CSMD2: variants seen among roughly 807,000 people sequenced by gnomAD.
CSMD2 encodes CUB and Sushi multiple domains 2.
Under a neutral mutation model 398.5 loss-of-function variants are expected in CSMD2, and 130 were observed. The ratio of observed to expected loss-of-function variants is 0.33; its 90% confidence interval spans 0.28 to 0.38. CSMD2 has a LOEUF of 0.38. Ranked by LOEUF, CSMD2 falls within the 10% of genes least tolerant of loss-of-function variation. The probability of loss-of-function intolerance (pLI) is 1.00; values close to 1 mark genes in which losing one functional copy is unlikely to be tolerated. For synonymous variants in CSMD2, 1,828 were observed against 1,908.5 expected, an observed-to-expected ratio of 0.96 and a Z score of 1.10; for missense variants, 3,829 against 4,764.9, an observed-to-expected ratio of 0.80 and a Z score of 5.78.
intron 3 of CSMD2, among the ~76,000 whole-genome samples, chr1:34,004,417 G>T (rs905945324): frequency 6.6e-6 from 1 of 152,156 alleles, no homozygotes; most frequent in Non-Finnish European, 1.5e-5. Context: ...TAGCCAGCTT[G>T]CTAGAGCATT....
chr1:33,588,093 C>T (rs144950570), intron 44 of CSMD2, among the ~76,000 whole-genome samples: 8 of 152,282 alleles, frequency 5.3e-5, no homozygotes, highest in Admixed American at 2.6e-4. Flanking sequence ...AATTACAGTA[C>T]GTTCCTGGAG....
At chr1:33,776,028 G>T (rs1258985466) in intron 12 of CSMD2, among the ~76,000 whole-genome samples, 1 of 152,186 alleles carries the variant, frequency 6.6e-6, no homozygotes, top group East Asian at 1.9e-4. Flanking sequence ...TACTGATGGG[G>T]CCAATACCAA....
At chr1:33,742,159 T>C (rs1647089949) in intron 14 of CSMD2, among the ~76,000 whole-genome samples, 1 of 152,210 alleles carries the variant, frequency 6.6e-6, no homozygotes, top group Non-Finnish European at 1.5e-5. Context: ...GGAGGAGACA[T>C]GCCCTGAGAA....
intron 25 of CSMD2, among the ~76,000 whole-genome samples, chr1:33,678,917 G>A (rs370957612): frequency 3.9e-5 from 6 of 152,202 alleles, no homozygotes; most frequent in African/African-American, 9.6e-5. Flanking sequence ...CACTGAAAAC[G>A]TTGCAGAATG....
chr1:34,068,766 T>C (rs1209672200), intron 2 of CSMD2, among the ~76,000 whole-genome samples: 1 of 152,154 alleles, frequency 6.6e-6, no homozygotes, highest in Non-Finnish European at 1.5e-5. Context: ...AATTGAATCA[T>C]GGGGGCAGGT....
Position 33,524,998 on chromosome 1 carries a change from T to C in CSMD2, c.10280A>G (p.Tyr3427Cys), listed in dbSNP as rs776401540. ...TGGCTGCTTCTTCCCCTGGTATTCA[T>C]AGGCCCCTTTCCACAGGGAATTCTT... The part of the protein sequence containing the change: ...FAKNSLWKGA[Y>C]EYQGKKQPAM... The change falls in exon 66 of 71, where the codon TAT becomes TGT. Residue 3427 changes from tyrosine to cysteine, a missense_variant. Around this residue, in one of 5 missense-constraint regions of CSMD2, gnomAD observed 917 missense variants for 1,199.5 expected, o/e 0.76. Coordinates refer to ENST00000373381, the MANE Select transcript of CSMD2 (RefSeq NM_001281956.2). The C allele has an allele frequency of 2.5e-6, 4 of 1,614,122 alleles. No homozygotes were observed. Among genetic ancestry groups the C allele is most frequent in the South Asian group, 1.1e-5 (1 of 91,090 alleles).
At chr1:33,523,257 C>T in intron 67 of CSMD2, 50 bp downstream of exon 67, 1 of 929,312 alleles carries the variant, frequency 1.1e-6, no homozygotes, top group Admixed American at 1.8e-5. Flanking sequence ...CCTCCTCTTC[C>T]CTGCCAGTGA....
At chr1:33,976,967 G>C (rs1645989017) in intron 3 of CSMD2, among the ~76,000 whole-genome samples, 1 of 151,952 alleles carries the variant, frequency 6.6e-6, no homozygotes, top group Non-Finnish European at 1.5e-5. Flanking sequence ...ATGGGATATG[G>C]GGGAGGGTGT....
intron 1 of CSMD2, among the ~76,000 whole-genome samples, chr1:34,104,163 AC>A (rs1660293941): frequency 6.6e-6 from 1 of 152,164 alleles, no homozygotes; most frequent in African/African-American, 2.4e-5. Context: ...CATTTTATGC[AC>A]TTTTTGCCGC....
intron 3 of CSMD2, among the ~76,000 whole-genome samples, chr1:33,944,101 A>G (rs1276874275): frequency 6.6e-6 from 1 of 152,140 alleles, no homozygotes; most frequent in Admixed American, 6.5e-5. Context: ...GCCACAGGCA[A>G]TATGTGTTCT....
chr1:33,613,710 G>T (rs1033182346), intron 40 of CSMD2, among the ~76,000 whole-genome samples: 3 of 152,148 alleles, frequency 2.0e-5, no homozygotes, highest in Non-Finnish European at 4.4e-5. Flanking sequence ...TAATCCCCTT[G>T]GGACATTTCA....
At chr1:34,156,125 T>G (rs1640785665) in intron 1 of CSMD2, among the ~76,000 whole-genome samples, 1 of 152,226 alleles carries the variant, frequency 6.6e-6, no homozygotes, top group East Asian at 1.9e-4. Flanking sequence ...TTGAGATGTC[T>G]GTTTTCGTGC....
intron 3 of CSMD2, among the ~76,000 whole-genome samples, chr1:34,003,058 C>A (rs894320463): frequency 6.6e-6 from 1 of 152,104 alleles, no homozygotes; most frequent in Non-Finnish European, 1.5e-5. Context: ...TGCCCTGAAC[C>A]AGTAGAGAAG....
chr1:33,820,922 G>A (rs973178527), intron 7 of CSMD2, among the ~76,000 whole-genome samples: 1 of 152,030 alleles, frequency 6.6e-6, no homozygotes, highest in East Asian at 1.9e-4. Context: ...TCAGATCTGG[G>A]GTGGAGACTC....
intron 68 of CSMD2, among the ~76,000 whole-genome samples, chr1:33,520,776 G>C (rs1385166490): frequency 1.3e-5 from 2 of 152,216 alleles, no homozygotes; most frequent in Non-Finnish European, 2.9e-5. Context: ...CCCCGGCGAT[G>C]GGAGGTGTCA....
At chr1:33,542,162 C>T (rs1656406584) in intron 58 of CSMD2, among the ~76,000 whole-genome samples, 1 of 152,138 alleles carries the variant, frequency 6.6e-6, no homozygotes. Context: ...CATCTGGATC[C>T]CACAGTGACT....
intron 28 of CSMD2, among the ~76,000 whole-genome samples, chr1:33,649,029 T>C (rs1643613238): frequency 1.3e-5 from 2 of 152,196 alleles, no homozygotes; most frequent in African/African-American, 4.8e-5. Flanking sequence ...AGTAATAAAG[T>C]TTATATTTTT....
chr1:33,653,809 G>T (rs1643875385), intron 27 of CSMD2, among the ~76,000 whole-genome samples: 1 of 152,188 alleles, frequency 6.6e-6, no homozygotes, highest in Non-Finnish European at 1.5e-5. Context: ...GGCACCATCA[G>T]AGGTTGTCAA....
rs1251965291 is a variant in CSMD2, at chr1:33,550,267, T to C, written c.8827A>G (p.Ser2943Gly). The change falls in exon 56 of 71, where the codon AGC becomes GGC. Residue 2943 changes from serine (S) to glycine (G), a missense_variant. Ser to Gly is a moderately conservative substitution (Grantham distance 56). Transcript: ENST00000373381. Reference sequence around the variant, plus strand: ...ACCAGAGTACGCTTGCCGATGCAGCTGTACCGCACCACTGCTCCCACAGTA... The same window carrying C: ...ACCAGAGTACGCTTGCCGATGCAGCCGTACCGCACCACTGCTCCCACAGTA... The part of the protein sequence containing the change: ...SYTVGAVVRY[S>G]CIGKRTLVGN... 1 of 1,614,254 alleles carries C rather than the reference T, an allele frequency of 6.2e-7. No homozygotes were observed. The highest frequency in any genetic ancestry group is 8.5e-7 in the Non-Finnish European group (1 of 1,180,046).
Sources: allele counts gnomAD v4.1 joint callset (sites outside exome capture counted in the v4.1 genomes callset), GRCh38; gene constraint gnomAD v4.1.1; regional missense constraint gnomAD v4.1.1; transcripts MANE v1.5; gene names NCBI Gene and HGNC (gene_info 2026-07-23, HGNC 2026-07-21).